Variants in SLC6A5 observed in about 807,000 individuals in gnomAD.
SLC6A5 encodes the protein sodium- and chloride-dependent glycine transporter 2.
In SLC6A5, 58 loss-of-function variants were observed where a neutral mutation model predicts 90.5. That is an observed-to-expected ratio of 0.64 (90% CI 0.52 to 0.80). The LOEUF (loss-of-function observed/expected upper bound fraction) is 0.80, where lower values mean the gene tolerates loss of function less well. Ranked by LOEUF, SLC6A5 falls within the 30% of genes least tolerant of loss-of-function variation. SLC6A5 has a pLI of 0.00. For synonymous variants in SLC6A5, 427 were observed against 401.4 expected (o/e 1.06, Z -0.76); for missense variants, 1,015 against 1,017.6 (o/e 1.00, Z 0.03).
At chr11:20,603,281 G>T (rs1308313124) in intron 2 of SLC6A5, among the ~76,000 whole-genome samples, 1 of 152,162 alleles carries the variant, frequency 6.6e-6, no homozygotes, top group Non-Finnish European at 1.5e-5. Flanking sequence ...GTGTCTAGGT[G>T]TCCTGAACAT....
chr11:20,614,630 T>C (rs1177111702), intron 5 of SLC6A5, 49 bp from the exon 6 acceptor site: 2 of 1,578,666 alleles, frequency 1.3e-6, no homozygotes, highest in South Asian at 2.2e-5. Flanking sequence ...CAAATCTCTG[T>C]TTTCTGTACA....
At chr11:20,603,459 C>T (rs1213317707) in intron 2 of SLC6A5, among the ~76,000 whole-genome samples, 3 of 152,194 alleles carry the variant, frequency 2.0e-5, no homozygotes, top group Non-Finnish European at 2.9e-5. Flanking sequence ...GACAGTCATT[C>T]TAAGCCTCTT....
chr11:20,640,017 A>T (rs1280410262), intron 13 of SLC6A5, among the ~76,000 whole-genome samples: 7 of 152,188 alleles, frequency 4.6e-5, no homozygotes, highest in Non-Finnish European at 1.0e-4. Flanking sequence ...ACTTGAGCAG[A>T]GAGTGGTAGA....
At chr11:20,635,186 C>T (rs914996348) in intron 10 of SLC6A5, among the ~76,000 whole-genome samples, 3 of 152,044 alleles carry the variant, frequency 2.0e-5, no homozygotes, top group African/African-American at 7.2e-5. Context: ...GTACTGGGCT[C>T]AGTGTTTTAC....
At chr11:20,637,330 GGGGTGGGGGCAGGA>G (rs746449430) in intron 12 of SLC6A5, 27 bp downstream of exon 12, 10 of 1,607,516 alleles carry the variant, frequency 6.2e-6, no homozygotes, top group Non-Finnish European at 8.5e-6. Flanking sequence ...GCACAGGCTT[GGGGTGGGGGCAGGA>G]GGGTGGGGGG....
Position 20,646,870 on chromosome 11 carries a change from T to C in SLC6A5, c.2006T>C (p.Ile669Thr), listed in dbSNP as rs1233863393. ...QRFCEDIEMMIGFQPNIFWKV... is the reference protein window; with the variant it reads ...QRFCEDIEMMTGFQPNIFWKV... ...TTCTGTGAAGATATAGAGATGATGA[T>C]TGGATTCCAGCCTAACATCTTCTGG... Residue 669 changes from isoleucine to threonine, a missense_variant, in exon 14 of 16, where the codon ATT becomes ACT. Coordinates refer to ENST00000525748, the MANE Select transcript of SLC6A5 (RefSeq NM_004211.5). 4.3e-6 allele frequency: 7 copies of C among 1,613,784 alleles called. No homozygotes were observed. In the East Asian group the frequency reaches 6.7e-5, roughly 15 times the overall value.
chr11:20,636,171 T>TA (rs1332815352), intron 10 of SLC6A5, 136 bp from the exon 11 acceptor site: 1 of 713,038 alleles, frequency 1.4e-6, no homozygotes, highest in Non-Finnish European at 2.6e-6. Context: ...TAGAGATGAG[T>TA]AAAAAATAAC....
chr11:20,604,487 G>C, intron 3 of SLC6A5, 63 bp downstream of exon 3: 1 of 1,586,376 alleles, frequency 6.3e-7, no homozygotes, highest in Non-Finnish European at 8.6e-7. Context: ...GGTTGGGTGG[G>C]ACAGGAGCCC....
chr11:20,651,187 A>G (rs1853523564), intron 14 of SLC6A5, among the ~76,000 whole-genome samples: 1 of 149,814 alleles, frequency 6.7e-6, no homozygotes, highest in South Asian at 2.2e-4. Context: ...CATAAACGGA[A>G]TGGGTTTCCC....
intron 13 of SLC6A5, among the ~76,000 whole-genome samples, chr11:20,640,437 G>A (rs1853290127): frequency 6.6e-6 from 1 of 152,028 alleles, no homozygotes; most frequent in Admixed American, 6.5e-5. Flanking sequence ...TCTTAGTTCT[G>A]AAGGAAAAAA....
At chr11:20,608,726 T>C (rs773003593) in intron 5 of SLC6A5, among the ~76,000 whole-genome samples, 3 of 152,206 alleles carry the variant, frequency 2.0e-5, no homozygotes, top group Non-Finnish European at 2.9e-5. Context: ...CTGTGATCTC[T>C]GTATGATCGG....
chr11:20,649,192 C>T (rs1853477902), intron 14 of SLC6A5, among the ~76,000 whole-genome samples: 1 of 152,166 alleles, frequency 6.6e-6, no homozygotes, highest in African/African-American at 2.4e-5. Context: ...TTGTGCTTTA[C>T]TTAGTTTCTA....
chr11:20,629,868 A>C (rs553700492), intron 9 of SLC6A5, among the ~76,000 whole-genome samples: 67 of 151,898 alleles, frequency 4.4e-4, no homozygotes, highest in African/African-American at 1.4e-3. Flanking sequence ...ATGTGCCACC[A>C]TGCCCCGCTA....
chr11:20,607,167 C>T, intron 4 of SLC6A5, 29 bp downstream of exon 4: 1 of 1,585,152 alleles, frequency 6.3e-7, no homozygotes. Flanking sequence ...TCAGCCTCCT[C>T]AGGCCCTTTC....
intron 3 of SLC6A5, among the ~76,000 whole-genome samples, chr11:20,605,938 G>T (rs983316186): frequency 1.3e-5 from 2 of 152,218 alleles, no homozygotes; most frequent in South Asian, 2.1e-4. Flanking sequence ...GGCTTGGAGA[G>T]CCCCGGGCAG....
chr11:20,626,394 T>C (rs1852994611), intron 7 of SLC6A5, among the ~76,000 whole-genome samples: 1 of 151,990 alleles, frequency 6.6e-6, no homozygotes, highest in Non-Finnish European at 1.5e-5. Flanking sequence ...CCTCCCTCCT[T>C]CTCTCTGTGG....
Position 20,654,703 on chromosome 11 carries a change from T to A in SLC6A5, c.2239-10T>A. ...TTCTGTGACCATGTCTGTCTTTGGCTTCTTTGCAGAGGCTGAAGTTGGTGT... is the reference window on the plus strand; with the variant it reads ...TTCTGTGACCATGTCTGTCTTTGGCATCTTTGCAGAGGCTGAAGTTGGTGT... On this transcript the variant is annotated splice_polypyrimidine_tract_variant and intron_variant, in intron 15 of 15. Coordinates refer to ENST00000525748, the MANE Select transcript of SLC6A5 (RefSeq NM_004211.5). 1 of 1,614,162 alleles carries A rather than the reference T, an allele frequency of 6.2e-7. No individual in the cohort carries two copies. The highest frequency in any genetic ancestry group is 8.5e-7 in the Non-Finnish European group (1 of 1,180,018).
At chr11:20,637,867 T>A (rs1853239810) in intron 12 of SLC6A5, among the ~76,000 whole-genome samples, 1 of 152,224 alleles carries the variant, frequency 6.6e-6, no homozygotes, top group South Asian at 2.1e-4. Flanking sequence ...TCTTGGTAAA[T>A]TGTGTTAGCT....
At chr11:20,624,138 T>TTA (rs1375524439) in intron 7 of SLC6A5, among the ~76,000 whole-genome samples, 31 of 149,170 alleles carry the variant, frequency 2.1e-4, no homozygotes, top group African/African-American at 3.9e-4. Flanking sequence ...CCCAAGGGTT[T>TTA]TATATATATA....
Sources: gnomAD v4.1 joint callset for allele counts (sites outside exome capture counted in the v4.1 genomes callset) on GRCh38, gnomAD v4.1.1 for gene constraint, MANE v1.5 for transcripts, NCBI Gene and HGNC (gene_info 2026-07-23, HGNC 2026-07-21) for gene names.